Variants in SNTG1 observed in about 807,000 individuals in gnomAD.
SNTG1 encodes gamma-1-syntrophin.
In SNTG1, 39 loss-of-function variants were observed where a neutral mutation model predicts 74.7. That is an observed-to-expected ratio of 0.52 (90% CI 0.40 to 0.68). SNTG1 has a LOEUF of 0.68. Ranked by LOEUF, SNTG1 falls within the 30% of genes least tolerant of loss-of-function variation. The pLI is 0.00. For missense variants in SNTG1, 685 were observed against 609.5 expected (o/e 1.12, Z -1.30); for synonymous variants, 254 against 217.1 (o/e 1.17, Z -1.49).
At position 49,988,028 on chromosome 8, in the gene SNTG1, T is replaced by C. The variant is rs77396794; in HGVS notation, c.-103+75797T>C. Among the ~76,000 whole-genome samples, 351 of 152,188 alleles carry C rather than the reference T, an allele frequency of 2.3e-3. 2 individuals carry two copies. The highest frequency in any genetic ancestry group is 8.0e-3 in the African/African-American group (334 of 41,530). On this transcript the variant is annotated intron_variant, in intron 1 of 18. Transcript: ENST00000642720. ...AAAGAAAGAGTCAAAAGAGTTCTAT[T>C]AAAACCATTGATAACCCAGGGTGAC... is the stretch of plus-strand genomic sequence containing the variant.
At chr8:50,078,938 T>A (rs1239027092) in intron 1 of SNTG1, among the ~76,000 whole-genome samples, 3 of 152,232 alleles carry the variant, frequency 2.0e-5, no homozygotes, top group African/African-American at 4.8e-5. Flanking sequence ...ATGTGCCACA[T>A]TTCTTTATCC....
At chr8:50,603,426 A>G (rs769504460) in intron 13 of SNTG1, among the ~76,000 whole-genome samples, 15 of 152,206 alleles carry the variant, frequency 9.9e-5, no homozygotes, top group Non-Finnish European at 1.6e-4. Flanking sequence ...GTGTTGTCTT[A>G]AATCGCTTTG....
intron 1 of SNTG1, among the ~76,000 whole-genome samples, chr8:49,919,087 CCTGT>C (rs1329401380): frequency 1.3e-5 from 2 of 152,054 alleles, no homozygotes; most frequent in Admixed American, 6.6e-5. Flanking sequence ...CTCCCTCACT[CCTGT>C]CTATGTTTCT....
At chr8:50,002,777 G>A (rs1814863952) in intron 1 of SNTG1, among the ~76,000 whole-genome samples, 1 of 152,022 alleles carries the variant, frequency 6.6e-6, no homozygotes, top group African/African-American at 2.4e-5. Flanking sequence ...AAAAACATAT[G>A]CCCATACAAA....
At chr8:50,709,124 TGCTTCGATCTG>T in intron 17 of SNTG1, 146 bp downstream of exon 17, 1 of 626,786 alleles carries the variant, frequency 1.6e-6, no homozygotes, top group African/African-American at 1.8e-5. Flanking sequence ...AGATAAATTA[TGCTTCGATCTG>T]AAAAAAAGTT....
At chr8:50,310,930 C>T (rs551900818) in intron 2 of SNTG1, among the ~76,000 whole-genome samples, 199 of 152,164 alleles carry the variant, frequency 1.3e-3, no homozygotes, top group African/African-American at 4.6e-3. Flanking sequence ...TCTATTTCAG[C>T]GTTCAATTGC....
intron 2 of SNTG1, among the ~76,000 whole-genome samples, chr8:50,223,472 G>A (rs1300451737): frequency 6.6e-6 from 1 of 151,892 alleles, no homozygotes; most frequent in Admixed American, 6.6e-5. Context: ...AAATATCATA[G>A]GAAATAACTA....
chr8:50,438,692 A>C, intron 5 of SNTG1, 93 bp downstream of exon 5: 1 of 1,075,258 alleles, frequency 9.3e-7, no homozygotes, highest in Non-Finnish European at 1.4e-6. Flanking sequence ...TAATTAGACA[A>C]GGATGGCTAT....
In SNTG1 at chr8:50,331,042, T is replaced by C. The variant is rs933239934; in HGVS notation, c.-27-63170T>C. Among the ~76,000 whole-genome samples, 3 of 152,342 alleles carry C rather than the reference T, an allele frequency of 2.0e-5. No individual in the cohort carries two copies. The East Asian group carries it at 5.8e-4, about 29-fold the overall frequency. ...TCTACAGGTAATATTTTTCTAGCTA[T>C]TTTCCAAAATGTGTTTCTATATTTT... On this transcript the variant is annotated intron_variant, in intron 2 of 18. Coordinates refer to ENST00000642720, the MANE Select transcript of SNTG1 (RefSeq NM_018967.5).
At chr8:50,049,435 CAGA>C (rs1819379314) in intron 1 of SNTG1, among the ~76,000 whole-genome samples, 1 of 152,070 alleles carries the variant, frequency 6.6e-6, no homozygotes, top group South Asian at 2.1e-4. Flanking sequence ...ATTGATTCAT[CAGA>C]AGTCATAATA....
chr8:50,247,171 T>C (rs1692747259), intron 2 of SNTG1, among the ~76,000 whole-genome samples: 1 of 152,182 alleles, frequency 6.6e-6, no homozygotes, highest in South Asian at 2.1e-4. Context: ...TCTGCACGAT[T>C]TGTGTATGGT....
At chr8:50,724,679 T>G (rs2095495816) in intron 17 of SNTG1, among the ~76,000 whole-genome samples, 1 of 152,182 alleles carries the variant, frequency 6.6e-6, no homozygotes, top group South Asian at 2.1e-4. Context: ...ATGAATGGCA[T>G]GTTCACCAAA....
At chr8:50,638,598 A>G (rs961028885) in intron 13 of SNTG1, among the ~76,000 whole-genome samples, 1 of 152,080 alleles carries the variant, frequency 6.6e-6, no homozygotes, top group African/African-American at 2.4e-5. Flanking sequence ...CTTACAAAAT[A>G]GTGATATATT....
chr8:50,696,796 G>C (rs1348133678), intron 15 of SNTG1, among the ~76,000 whole-genome samples: 1 of 151,904 alleles, frequency 6.6e-6, no homozygotes, highest in Non-Finnish European at 1.5e-5. Context: ...CTGTTCCATT[G>C]ATCTATTTGT....
At chr8:50,389,722 T>C (rs978347815) in intron 2 of SNTG1, among the ~76,000 whole-genome samples, 34 of 152,188 alleles carry the variant, frequency 2.2e-4, no homozygotes, top group African/African-American at 8.0e-4. Flanking sequence ...TGTTCCTATT[T>C]CTCCACATCC....
At chr8:50,015,962 GTGT>G (rs1475612097) in intron 1 of SNTG1, among the ~76,000 whole-genome samples, 3 of 152,130 alleles carry the variant, frequency 2.0e-5, no homozygotes, top group South Asian at 2.1e-4. Context: ...ATGCAGTTGG[GTGT>G]TGTTGTGGAG....
At chr8:50,248,591 G>A (rs11988020) in intron 2 of SNTG1, among the ~76,000 whole-genome samples, 357 of 152,162 alleles carry the variant, frequency 2.3e-3, no homozygotes, top group Middle Eastern at 0.01. Context: ...AGATTACAAG[G>A]CCTCTCTGGT....
At chr8:50,084,505 A>C (rs1001053506) in intron 1 of SNTG1, among the ~76,000 whole-genome samples, 2 of 152,270 alleles carry the variant, frequency 1.3e-5, no homozygotes, top group African/African-American at 4.8e-5. Context: ...TAATTTTTTG[A>C]CTAAAATTTA....
intron 13 of SNTG1, among the ~76,000 whole-genome samples, chr8:50,615,017 A>C (rs1329437897): frequency 1.4e-5 from 2 of 147,878 alleles, no homozygotes; most frequent in African/African-American, 5.0e-5. Context: ...ACCTCGGCTC[A>C]CTCCAAGCTC....
Sources: gnomAD v4.1 joint callset for allele counts (sites outside exome capture counted in the v4.1 genomes callset) on GRCh38, gnomAD v4.1.1 for gene constraint, MANE v1.5 for transcripts, NCBI Gene and HGNC (gene_info 2026-07-23, HGNC 2026-07-21) for gene names.